Variants in CPA6 observed in about 807,000 individuals in gnomAD.
CPA6 encodes the protein carboxypeptidase A6.
Under a neutral mutation model 63.3 loss-of-function variants are expected in CPA6, and 58 were observed. That is an observed-to-expected ratio of 0.92 (90% CI 0.74 to 1.14). The LOEUF is 1.14. Among genes scored for constraint, CPA6 ranks in the 50% most tolerant of loss-of-function variants. The pLI is 0.00. For missense variants in CPA6, 565 were observed against 526.6 expected (o/e 1.07, Z -0.71); for synonymous variants, 185 against 179.0 (o/e 1.03, Z -0.27).
At chr8:67,489,991 G>A (rs1396139128) in intron 6 of CPA6, among the ~76,000 whole-genome samples, 1 of 152,144 alleles carries the variant, frequency 6.6e-6, no homozygotes. Flanking sequence ...CAAGCAGGGT[G>A]TCATTGTATT....
At chr8:67,592,495 C>T (rs577840272) in intron 2 of CPA6, among the ~76,000 whole-genome samples, 28 of 151,676 alleles carry the variant, frequency 1.8e-4, no homozygotes, top group Admixed American at 1.5e-3. Flanking sequence ...TGGTAGAATT[C>T]GGCTGTGAAT....
At chr8:67,494,229 T>C (rs1055351621) in intron 6 of CPA6, among the ~76,000 whole-genome samples, 4 of 152,032 alleles carry the variant, frequency 2.6e-5, no homozygotes, top group African/African-American at 9.7e-5. Context: ...CATAGCAACA[T>C]GTCATGAAGG....
intron 2 of CPA6, among the ~76,000 whole-genome samples, chr8:67,561,610 T>A (rs908555047): frequency 2.6e-5 from 4 of 152,146 alleles, no homozygotes; most frequent in Admixed American, 1.3e-4. Flanking sequence ...GACAACTTAA[T>A]CCTATTGTGT....
intron 1 of CPA6, among the ~76,000 whole-genome samples, chr8:67,696,685 A>T (rs1189507057): frequency 6.6e-6 from 1 of 151,474 alleles, no homozygotes; most frequent in Non-Finnish European, 1.5e-5. Flanking sequence ...TCAGCAATAA[A>T]GGGATTGAAC....
chr8:67,539,533 A>G (rs190911131), intron 2 of CPA6, among the ~76,000 whole-genome samples: 10 of 152,216 alleles, frequency 6.6e-5, no homozygotes, highest in African/African-American at 9.6e-5. Flanking sequence ...CTGAATTTCA[A>G]TGTTGGCCTA....
At chr8:67,484,619 G>T in intron 7 of CPA6, 60 bp downstream of exon 7, 2 of 876,180 alleles carry the variant, frequency 2.3e-6, no homozygotes, top group South Asian at 1.6e-5. Flanking sequence ...GGAAGTTTGT[G>T]ACTCTGTTTT....
intron 1 of CPA6, among the ~76,000 whole-genome samples, chr8:67,701,760 T>A (rs1022359779): frequency 3.9e-5 from 6 of 152,258 alleles, no homozygotes; most frequent in East Asian, 3.9e-4. Flanking sequence ...GGAACCAACC[T>A]CAGGGTGGCA....
chr8:67,688,982 T>C (rs570271389), intron 1 of CPA6, among the ~76,000 whole-genome samples: 6 of 151,896 alleles, frequency 4.0e-5, no homozygotes, highest in Non-Finnish European at 7.4e-5. Context: ...TTGTTATTAT[T>C]ATTATTATTA....
intron 8 of CPA6, among the ~76,000 whole-genome samples, chr8:67,478,500 A>C (rs1229554282): frequency 6.6e-6 from 1 of 152,166 alleles, no homozygotes; most frequent in Admixed American, 6.5e-5. Flanking sequence ...ATCTTGTGGG[A>C]CTGAGCCTTT....
chr8:67,544,397 T>C (rs1812770525), intron 2 of CPA6, among the ~76,000 whole-genome samples: 1 of 152,178 alleles, frequency 6.6e-6, no homozygotes, highest in South Asian at 2.1e-4. Context: ...CCATTGCTTT[T>C]TTCTGTTGTG....
intron 1 of CPA6, among the ~76,000 whole-genome samples, chr8:67,713,095 GTGTGTATATATATATATATATATA>G (rs1384529810): frequency 1.6e-4 from 14 of 86,358 alleles, no homozygotes; most frequent in South Asian, 1.3e-3. Flanking sequence ...GTGTGTGTGT[GTGTGTATATATATATATATATATA>G]TATATATATA....
chr8:67,543,903 C>T (rs1812759916), intron 2 of CPA6, among the ~76,000 whole-genome samples: 1 of 151,938 alleles, frequency 6.6e-6, no homozygotes, highest in African/African-American at 2.4e-5. Flanking sequence ...CCTGACTCAG[C>T]CTCTTGAGTA....
At chr8:67,587,434 T>C (rs1813973038) in intron 2 of CPA6, among the ~76,000 whole-genome samples, 2 of 152,056 alleles carry the variant, frequency 1.3e-5, no homozygotes. Flanking sequence ...ACCAGCAAAA[T>C]AGAATATCTC....
At chr8:67,506,127 G>GT (rs1168412822) in intron 6 of CPA6, among the ~76,000 whole-genome samples, 1 of 151,798 alleles carries the variant, frequency 6.6e-6, no homozygotes, top group Non-Finnish European at 1.5e-5. Context: ...ACATACGAAA[G>GT]TGTTGGCACA....
At chr8:67,594,993 T>G (rs1047425818) in intron 2 of CPA6, among the ~76,000 whole-genome samples, 22 of 152,218 alleles carry the variant, frequency 1.4e-4, no homozygotes, top group African/African-American at 5.3e-4. Context: ...GCTCTGTTTT[T>G]TCCCCATCTT....
intron 2 of CPA6, 137 bp from the exon 3 acceptor site, chr8:67,518,184 T>G: frequency 2.8e-6 from 2 of 719,034 alleles, no homozygotes; most frequent in Non-Finnish European, 4.2e-6. Flanking sequence ...GCTTGCATCA[T>G]CAGGGTAAAA....
chr8:67,578,602 G>C (rs1384553243), intron 2 of CPA6, among the ~76,000 whole-genome samples: 1 of 141,862 alleles, frequency 7.0e-6, no homozygotes, highest in East Asian at 2.2e-4. Flanking sequence ...TCCTCTTCCT[G>C]CCACTGTGCT....
chr8:67,570,551 A>T (rs185595935), intron 2 of CPA6, among the ~76,000 whole-genome samples: 136 of 152,358 alleles, frequency 8.9e-4, no homozygotes, highest in African/African-American at 3.1e-3. Context: ...AATTCAGACA[A>T]CAAAAACATA....
rs527522091 is a variant in CPA6, at chr8:67,636,223, T to C, written c.117-11972A>G. Among the ~76,000 whole-genome samples the C allele has an allele frequency of 2.6e-4, 39 of 151,612 alleles. 1 individual carries two copies. Among genetic ancestry groups the C allele is most frequent in the Admixed American group, 1.7e-3 (26 of 15,250 alleles). ...TCTGCATGCCATGGGCAGCCTATAA[T>C]TATGAGGCAGATTCACCCCAAGCTC... On this transcript the variant is annotated intron_variant, in intron 1 of 10. Transcript: ENST00000297770.
Sources: gnomAD v4.1 joint callset for allele counts (sites outside exome capture counted in the v4.1 genomes callset) on GRCh38, gnomAD v4.1.1 for gene constraint, MANE v1.5 for transcripts, NCBI Gene and HGNC (gene_info 2026-07-23, HGNC 2026-07-21) for gene names.